SYT10: variants seen among roughly 807,000 people sequenced by gnomAD.
SYT10 encodes the protein synaptotagmin-10.
In SYT10, 31 loss-of-function variants were observed where a neutral mutation model predicts 51.1. The observed-to-expected ratio is 0.61, with a 90% CI of 0.46 to 0.82. SYT10 has a LOEUF of 0.82. Ranked by LOEUF, SYT10 falls within the 40% of genes least tolerant of loss-of-function variation. The pLI is 0.00. For synonymous variants in SYT10, 233 were observed against 225.9 expected (o/e 1.03, Z -0.28); for missense variants, 603 against 634.0 (o/e 0.95, Z 0.53).
rs747501420 is a variant in SYT10 at position 33,407,330 on chromosome 12, G to A, written c.536C>T (p.Pro179Leu). The A allele has an allele frequency of 4.4e-5, 71 of 1,606,902 alleles. 1 individual carries two copies. In the South Asian group the frequency reaches 4.8e-4, roughly 11 times the overall value. ...TRHSSFRRHL[P>L]RQMQVSSVDF... is the part of the protein sequence containing the mutation. ...AACACTGGAAACCTGCATTTGCCTC[G>A]GCAGGTGTCTTCGGAAGGAACTGTG... is the stretch of plus-strand genomic sequence containing the variant. The change falls in exon 3 of 7, where the codon CCG becomes CTG. Residue 179 changes from proline to leucine, a missense_variant. Coordinates refer to ENST00000228567, the MANE Select transcript of SYT10 (RefSeq NM_198992.4).
At chr12:33,377,195 C>T (rs1253058036) in intron 6 of SYT10, among the ~76,000 whole-genome samples, 1 of 152,126 alleles carries the variant, frequency 6.6e-6, no homozygotes, top group Non-Finnish European at 1.5e-5. Flanking sequence ...GGTTTTAGCT[C>T]TTTTCTATAA....
intron 1 of SYT10, 21 bp downstream of exon 1, chr12:33,439,351 G>A (rs376188207): frequency 6.2e-7 from 1 of 1,603,988 alleles, no homozygotes; most frequent in African/African-American, 1.3e-5. Context: ...GCGAGGACGC[G>A]AGCGGAGCCC....
At position 33,379,952 on chromosome 12, in the gene SYT10, G is replaced by A. The variant is rs1230792097; in HGVS notation, c.1380C>T (p.His460=). The change falls in exon 6 of 7, where the codon CAC becomes CAT. Residue 460 remains histidine, a synonymous_variant. Transcript: ENST00000228567. ...TTCTGCACACTCCTATGACCTCATT[G>A]TGTCCTACCCTATGATTTGTGGGAT... The part of the protein sequence containing the change: ...IAVMDYDRVG[H]NEVIGVCRTG... 6.2e-7 allele frequency: 1 copy of A among 1,611,962 alleles called. No individual in the cohort carries two copies. Among genetic ancestry groups the A allele is most frequent in the African/African-American group, 1.3e-5 (1 of 74,790 alleles).
chr12:33,385,376 T>C (rs1340325795), intron 3 of SYT10, 85 bp from the exon 4 acceptor site: 6 of 1,516,760 alleles, frequency 4.0e-6, no homozygotes, highest in Non-Finnish European at 4.4e-6. Context: ...TACTGGAATG[T>C]CATTTTAAAT....
intron 2 of SYT10, among the ~76,000 whole-genome samples, chr12:33,420,599 G>C (rs1225787737): frequency 6.6e-6 from 1 of 152,086 alleles, no homozygotes; most frequent in African/African-American, 2.4e-5. Flanking sequence ...CTGCAGAGAG[G>C]TATGATCATG....
At chr12:33,433,737 T>C (rs1410240482) in intron 1 of SYT10, among the ~76,000 whole-genome samples, 1 of 152,190 alleles carries the variant, frequency 6.6e-6, no homozygotes, top group Non-Finnish European at 1.5e-5. Flanking sequence ...ATATGGGTCA[T>C]AATTGCACAC....
chr12:33,439,768 C>T lies in SYT10; in HGVS notation c.-246G>A, dbSNP rs182617631. On this transcript the variant is annotated 5_prime_UTR_variant, in exon 1 of 7. Coordinates refer to ENST00000228567, the MANE Select transcript of SYT10 (RefSeq NM_198992.4). ...TGCCGCGAGGTTTGCGCCAACTCTC[C>T]CGCCGCGCGAGCGAGCCGAGGCGCG... The T allele has an allele frequency of 2.3e-3, 1,144 of 505,218 alleles. 9 individuals are homozygous for T. The highest frequency in any genetic ancestry group is 0.021 in the African/African-American group (1,042 of 50,820). The allele number at this position is 505,218 out of a possible 1,614,324, so 31.3% of individuals were successfully genotyped here. A position where few individuals can be genotyped will look rare whatever the true frequency, so the allele number is the denominator to read the frequency against.
chr12:33,386,164 G>T (rs1452728396), intron 3 of SYT10, among the ~76,000 whole-genome samples: 1 of 152,066 alleles, frequency 6.6e-6, no homozygotes, highest in Non-Finnish European at 1.5e-5. Flanking sequence ...GGGATTACAG[G>T]CATGCAACAC....
At chr12:33,416,810 T>G (rs549776527) in intron 2 of SYT10, among the ~76,000 whole-genome samples, 3 of 152,094 alleles carry the variant, frequency 2.0e-5, no homozygotes, top group East Asian at 3.9e-4. Flanking sequence ...ACTAATAAAA[T>G]AGAGAGGGAG....
intron 2 of SYT10, among the ~76,000 whole-genome samples, chr12:33,418,197 G>A (rs1866471530): frequency 6.6e-6 from 1 of 152,064 alleles, no homozygotes; most frequent in Non-Finnish European, 1.5e-5. Flanking sequence ...CCCGGGCTTA[G>A]CACACTCCTC....
Position 33,439,363 on chromosome 12 carries a change from CCCGGTT to C in SYT10, c.151+3_151+8del. The stretch of plus-strand genomic sequence containing the variant: ...AGCGCGAGGACGCGAGCGGAGCCCT[CCCGGTT>C]ACCTGTGCTGCTTCCGCCCTGGCTG... On this transcript the variant is annotated splice_donor_5th_base_variant and intron_variant, in intron 1 of 6. Transcript: ENST00000228567. 6.2e-7 allele frequency: 1 copy of C among 1,610,462 alleles called. No homozygotes were observed. Among genetic ancestry groups the C allele is most frequent in the Non-Finnish European group, 8.5e-7 (1 of 1,178,488 alleles).
intron 5 of SYT10, 24 bp from the exon 6 acceptor site, chr12:33,379,985 T>G: frequency 6.4e-7 from 1 of 1,574,060 alleles, no homozygotes; most frequent in Non-Finnish European, 8.6e-7. Context: ...GATATTATAT[T>G]TTCATTTCCA....
chr12:33,407,607 TTTG>T (rs1174404314), intron 2 of SYT10, among the ~76,000 whole-genome samples: 1 of 151,728 alleles, frequency 6.6e-6, no homozygotes, highest in African/African-American at 2.4e-5. Flanking sequence ...TTTGTTTTGT[TTTG>T]TTTTTTGTTT....
intron 3 of SYT10, among the ~76,000 whole-genome samples, chr12:33,387,447 G>A (rs1368999002): frequency 6.6e-6 from 1 of 152,214 alleles, no homozygotes; most frequent in African/African-American, 2.4e-5. Context: ...ATGTGATAAG[G>A]AATGATGTTT....
intron 1 of SYT10, among the ~76,000 whole-genome samples, chr12:33,437,053 T>C (rs947543114): frequency 6.6e-5 from 10 of 152,230 alleles, no homozygotes; most frequent in East Asian, 3.8e-4. Context: ...TAATTAAATA[T>C]TTGGCAAACA....
chr12:33,435,833 G>A lies in SYT10; in HGVS notation c.151+3539C>T, dbSNP rs1340058642. Among the ~76,000 whole-genome samples the A allele has an allele frequency of 4.6e-5, 7 of 152,146 alleles. No homozygotes were observed. In the South Asian group the frequency reaches 1.0e-3, roughly 23 times the overall value. On this transcript the variant is annotated intron_variant, in intron 1 of 6. Transcript: ENST00000228567. ...TACTTAACTATCCCTTTTCTTGTCA[G>A]TTAAGTACTTTAATAAAATTATTTC...
rs536577451 is a variant in SYT10 at position 33,434,916 on chromosome 12, C to T, written c.151+4456G>A. On this transcript the variant is annotated intron_variant, in intron 1 of 6. Transcript: ENST00000228567. ...CAAGCCCCTGACCTCAAAGAGCTGA[C>T]ATGCTATTGACTTAATGTGTACAAC... is the stretch of plus-strand genomic sequence containing the variant. Among the ~76,000 whole-genome samples, 11 of 152,318 alleles carry T rather than the reference C, an allele frequency of 7.2e-5. 1 individual carries two copies. Among genetic ancestry groups the T allele is most frequent in the African/African-American group, 2.6e-4 (11 of 41,578 alleles).
chr12:33,390,857 A>C (rs1401398895), intron 3 of SYT10, among the ~76,000 whole-genome samples: 1 of 152,234 alleles, frequency 6.6e-6, no homozygotes, highest in Non-Finnish European at 1.5e-5. Flanking sequence ...ACCTTGAAGA[A>C]CACCACACAA....
At chr12:33,406,651 A>G (rs1003831632) in intron 3 of SYT10, 138 bp downstream of exon 3, 20 of 722,864 alleles carry the variant, frequency 2.8e-5, no homozygotes, top group African/African-American at 5.4e-5. Context: ...ATTAGTAGAA[A>G]TGAAATTCTA....
Sources: gnomAD v4.1 joint callset for allele counts (sites outside exome capture counted in the v4.1 genomes callset) on GRCh38, gnomAD v4.1.1 for gene constraint, MANE v1.5 for transcripts, NCBI Gene and HGNC (gene_info 2026-07-23, HGNC 2026-07-21) for gene names.